ADHFE1: variants seen among roughly 807,000 people sequenced by gnomAD.
ADHFE1 encodes the protein alcohol dehydrogenase iron containing 1, also known as hydroxyacid-oxoacid transhydrogenase, mitochondrial.
Under a neutral mutation model 54.8 loss-of-function variants are expected in ADHFE1, and 37 were observed. That is an observed-to-expected ratio of 0.68 (90% CI 0.52 to 0.89). The LOEUF is 0.89. Among genes scored for constraint, ADHFE1 ranks in the 40% least tolerant of loss-of-function variants. The pLI is 0.00. For synonymous variants in ADHFE1, 203 were observed against 229.3 expected, an observed-to-expected ratio of 0.89 and a Z score of 1.04; for missense variants, 601 against 591.2, an observed-to-expected ratio of 1.02 and a Z score of -0.17.
chr8:66,456,717 T>A (rs917390869), intron 10 of ADHFE1, 100 bp from the exon 11 acceptor site: 1 of 843,214 alleles, frequency 1.2e-6, no homozygotes, highest in African/African-American at 1.7e-5. Flanking sequence ...AATGATACTG[T>A]CTAGAGGCCG....
chr8:66,455,113 T>C (rs945406415), intron 10 of ADHFE1, among the ~76,000 whole-genome samples: 2 of 152,232 alleles, frequency 1.3e-5, no homozygotes, highest in African/African-American at 4.8e-5. Flanking sequence ...TTCTTCTCTA[T>C]GGACATAGGT....
At chr8:66,433,957 T>C (rs1805333890) in intron 1 of ADHFE1, among the ~76,000 whole-genome samples, 1 of 152,198 alleles carries the variant, frequency 6.6e-6, no homozygotes. Context: ...ACAGAATATG[T>C]TTTTGGAATG....
intron 1 of ADHFE1, chr8:66,432,906 C>A: frequency 8.8e-7 from 1 of 1,142,360 alleles, no homozygotes. Flanking sequence ...GCAATTGACA[C>A]ATATTTATTG....
At chr8:66,460,688 G>A (rs892619961) in intron 13 of ADHFE1, among the ~76,000 whole-genome samples, 1 of 152,188 alleles carries the variant, frequency 6.6e-6, no homozygotes, top group African/African-American at 2.4e-5. Context: ...AGGCTTTTAT[G>A]AAAATTTTCA....
intron 13 of ADHFE1, 97 bp from the exon 14 acceptor site, chr8:66,468,172 C>A: frequency 1.2e-6 from 1 of 852,410 alleles, no homozygotes. Context: ...TTTATCAAGT[C>A]ATTGATTCTT....
At chr8:66,449,092 T>C in intron 8 of ADHFE1, 122 bp downstream of exon 8, 1 of 862,474 alleles carries the variant, frequency 1.2e-6, no homozygotes, top group Non-Finnish European at 1.8e-6. Flanking sequence ...TAGCTTTGGC[T>C]GTCATTACCC....
In ADHFE1 at chr8:66,460,359, A is replaced by G; in HGVS notation, c.1214A>G (p.Asp405Gly). The G allele has an allele frequency of 6.2e-7, 1 of 1,614,232 alleles. No individual in the cohort carries two copies. The highest frequency in any genetic ancestry group is 1.1e-5 in the South Asian group (1 of 91,084). ...CAAGATGCAGGGCTGGTGTTGGCAG[A>G]CACGCTCCGGAAATTCTTATTCGAT... ...RIQDAGLVLADTLRKFLFDLD... is the reference protein window; with the variant it reads ...RIQDAGLVLAGTLRKFLFDLD... Residue 405 changes from aspartate (D) to glycine (G), a missense_variant, in exon 13 of 14, where the codon GAC becomes GGC. By Grantham distance (94) the Asp-to-Gly change is moderately conservative (BLOSUM62 -1). Coordinates refer to ENST00000396623, the MANE Select transcript of ADHFE1 (RefSeq NM_144650.3).
intron 1 of ADHFE1, among the ~76,000 whole-genome samples, chr8:66,436,653 C>CGG (rs1274059924): frequency 1.3e-5 from 2 of 152,000 alleles, no homozygotes; most frequent in Non-Finnish European, 2.9e-5. Context: ...ACCTGGACTT[C>CGG]GGGAGAGATG....
chr8:66,443,777 G>C (rs771266457), intron 3 of ADHFE1, among the ~76,000 whole-genome samples: 17 of 151,406 alleles, frequency 1.1e-4, no homozygotes, highest in Non-Finnish European at 2.5e-4. Flanking sequence ...AATTCAGATG[G>C]TCTTATTAAA....
chr8:66,447,415 A>G, intron 7 of ADHFE1, 74 bp downstream of exon 7: 2 of 1,275,514 alleles, frequency 1.6e-6, no homozygotes, highest in South Asian at 1.3e-5. Flanking sequence ...AATATTTAAA[A>G]ATCAAGCAGT....
chr8:66,446,459 A>G (rs7014273), intron 6 of ADHFE1, among the ~76,000 whole-genome samples: 32,548 of 152,162 alleles, frequency 0.21, 3,732 homozygotes, highest in Admixed American at 0.29. Context: ...CTGGCCCCCA[A>G]GGAGCCTGAG....
At chr8:66,466,823 A>C (rs150552894) in intron 13 of ADHFE1, among the ~76,000 whole-genome samples, 67 of 152,322 alleles carry the variant, frequency 4.4e-4, no homozygotes, top group Non-Finnish European at 9.1e-4. Context: ...CTTTCTAGGC[A>C]GAGGGGAAGG....
intron 12 of ADHFE1, 178 bp from the exon 13 acceptor site, chr8:66,460,130 A>G: frequency 1.5e-6 from 1 of 686,170 alleles, no homozygotes; most frequent in Admixed American, 2.5e-5. Flanking sequence ...GAAATGTCAG[A>G]GCTAAGTGAG....
At chr8:66,448,474 A>C (rs1371812474) in intron 7 of ADHFE1, among the ~76,000 whole-genome samples, 1 of 152,214 alleles carries the variant, frequency 6.6e-6, no homozygotes. Flanking sequence ...CCAAAGACAC[A>C]AAGTAAGTTG....
intron 10 of ADHFE1, 36 bp from the exon 11 acceptor site, chr8:66,456,781 C>T (rs1554564482): frequency 4.0e-6 from 6 of 1,504,716 alleles, no homozygotes; most frequent in South Asian, 3.4e-5. Context: ...ATTTTGATAA[C>T]TGTGTATGAA....
chr8:66,457,044 G>A (rs368183665), intron 11 of ADHFE1, 26 bp from the exon 12 acceptor site: 87 of 1,604,316 alleles, frequency 5.4e-5, no homozygotes, highest in South Asian at 1.3e-4. Flanking sequence ...GTCATCTGCC[G>A]GTCACCGCAT....
At chr8:66,462,946 C>A (rs546680363) in intron 13 of ADHFE1, among the ~76,000 whole-genome samples, 5 of 152,160 alleles carry the variant, frequency 3.3e-5, no homozygotes. Flanking sequence ...CTCAGCCTCC[C>A]GAGTAGCTGG....
chr8:66,446,325 G>A (rs1000262365), intron 6 of ADHFE1, among the ~76,000 whole-genome samples: 3 of 152,182 alleles, frequency 2.0e-5, no homozygotes, highest in Admixed American at 1.3e-4. Context: ...GCCCAGCAAA[G>A]GCAGAGCGTC....
chr8:66,465,330 C>T (rs1807112586), intron 13 of ADHFE1, among the ~76,000 whole-genome samples: 1 of 152,154 alleles, frequency 6.6e-6, no homozygotes, highest in Non-Finnish European at 1.5e-5. Flanking sequence ...TTTACATTTC[C>T]ATTAACAGTG....
Sources: allele counts gnomAD v4.1 joint callset (sites outside exome capture counted in the v4.1 genomes callset), GRCh38; gene constraint gnomAD v4.1.1; transcripts MANE v1.5; gene names NCBI Gene and HGNC (gene_info 2026-07-23, HGNC 2026-07-21).